The following ZNF827 variants were observed in gnomAD, a reference collection of about 807,000 sequenced individuals.
ZNF827 encodes zinc finger protein 827.
ZNF827 carries 13 observed loss-of-function variants against 102.4 expected under a neutral mutation model. That is an observed-to-expected ratio of 0.13 (90% CI 0.08 to 0.20). ZNF827 has a LOEUF of 0.20. Among genes scored for constraint, ZNF827 ranks in the 10% least tolerant of loss-of-function variants. ZNF827 has a pLI of 1.00. For synonymous variants in ZNF827, 523 were observed against 536.2 expected, an observed-to-expected ratio of 0.98 and a Z score of 0.34; for missense variants, 1,103 against 1,344.4, an observed-to-expected ratio of 0.82 and a Z score of 2.81.
intron 1 of ZNF827, among the ~76,000 whole-genome samples, chr4:145,914,223 G>A (rs558861431): frequency 2.6e-5 from 4 of 152,244 alleles, no homozygotes; most frequent in South Asian, 4.2e-4. Context: ...GAAAAGGGCC[G>A]TGGGAGACAA....
intron 6 of ZNF827, among the ~76,000 whole-genome samples, chr4:145,848,650 T>C (rs1746216957): frequency 6.6e-6 from 1 of 152,210 alleles, no homozygotes; most frequent in African/African-American, 2.4e-5. Context: ...ATATTAAATT[T>C]GCTAGGGACA....
At chr4:145,929,100 T>C (rs942218575) in intron 1 of ZNF827, among the ~76,000 whole-genome samples, 4 of 152,212 alleles carry the variant, frequency 2.6e-5, no homozygotes, top group African/African-American at 9.7e-5. Context: ...CAAAACACAT[T>C]ACTATGGCAC....
chr4:145,902,062 G>T lies in ZNF827; in HGVS notation c.1093+104C>A. The T allele has an allele frequency of 1.4e-6, 2 of 1,415,792 alleles. No individual in the cohort carries two copies. Among genetic ancestry groups the T allele is most frequent in the Non-Finnish European group, 1.9e-6 (2 of 1,060,146 alleles). 87.7% of individuals were successfully genotyped at this position (1,415,792 alleles called of 1,614,324 possible). ...GTTGTGCTCTTGCTTTTTTATTCCT[G>T]CCTCAGATCAGATGGGGAACCCAAC... is the stretch of plus-strand genomic sequence containing the variant. On this transcript the variant is annotated intron_variant, in intron 2 of 14. Transcript: ENST00000508784. This position sits in a 1 kb window ranked among gnomAD's most constrained non-coding sequence, Gnocchi z 4.3.
intron 1 of ZNF827, among the ~76,000 whole-genome samples, chr4:145,913,964 C>T (rs750853653): frequency 6.6e-6 from 1 of 151,960 alleles, no homozygotes. Context: ...AACCATATAA[C>T]AATGCATTCT....
intron 6 of ZNF827, among the ~76,000 whole-genome samples, chr4:145,848,506 A>G (rs1255696744): frequency 6.6e-6 from 1 of 152,216 alleles, no homozygotes; most frequent in African/African-American, 2.4e-5. Context: ...CATTAGTAAC[A>G]GGCTTTATTG....
chr4:145,829,354 C>A (rs1248714171), intron 7 of ZNF827, among the ~76,000 whole-genome samples: 4 of 152,054 alleles, frequency 2.6e-5, no homozygotes, highest in Non-Finnish European at 5.9e-5. Flanking sequence ...GACAGTCTGA[C>A]TTCTATCTGC....
At chr4:145,814,061 T>C (rs962051726) in intron 8 of ZNF827, among the ~76,000 whole-genome samples, 5 of 152,080 alleles carry the variant, frequency 3.3e-5, no homozygotes, top group African/African-American at 4.8e-5. Flanking sequence ...AAACCCCAAA[T>C]CCGAAATGCT....
At chr4:145,861,197 G>A (rs72954679) in intron 5 of ZNF827, among the ~76,000 whole-genome samples, 6,837 of 152,200 alleles carry the variant, frequency 0.045, 365 homozygotes, top group East Asian at 0.15. Context: ...TGTTAAAGGT[G>A]AAAGGTTAAT....
intron 1 of ZNF827, among the ~76,000 whole-genome samples, chr4:145,910,372 C>T (rs1041612029): frequency 2.0e-5 from 3 of 152,308 alleles, no homozygotes; most frequent in Admixed American, 2.0e-4. Context: ...CCTCTACCTG[C>T]CCGTCTCAGC....
Position 145,761,969 on chromosome 4 carries a change from G to A in ZNF827, c.*18-371C>T, listed in dbSNP as rs759155090. Among the ~76,000 whole-genome samples, 18 of 151,688 alleles carry A rather than the reference G, an allele frequency of 1.2e-4. No homozygotes were observed. Among genetic ancestry groups the A allele is most frequent in the Non-Finnish European group, 1.9e-4 (13 of 67,948 alleles). ...CCCTCCCCACTCCCGACCAGACAGC[G>A]CAGAGGTCTAAACCTCCTGACCTCC... On this transcript the variant is annotated intron_variant, in intron 14 of 14. Transcript: ENST00000508784. This position sits in a 1 kb window ranked among gnomAD's most constrained non-coding sequence, Gnocchi z 6.8.
chr4:145,828,879 C>T (rs901730346), intron 7 of ZNF827, among the ~76,000 whole-genome samples: 3 of 152,230 alleles, frequency 2.0e-5, no homozygotes, highest in East Asian at 3.9e-4. Flanking sequence ...ATACATTTTG[C>T]TAAGTGCCTA....
At chr4:145,909,797 T>C (rs1469974093) in intron 1 of ZNF827, among the ~76,000 whole-genome samples, 2 of 152,208 alleles carry the variant, frequency 1.3e-5, no homozygotes, top group Non-Finnish European at 2.9e-5. Context: ...AAATTGTCCC[T>C]TTGTAGCCTG....
chr4:145,909,816 A>G (rs1382340406), intron 1 of ZNF827, among the ~76,000 whole-genome samples: 1 of 152,190 alleles, frequency 6.6e-6, no homozygotes, highest in Non-Finnish European at 1.5e-5. Flanking sequence ...TGAGAGCCTT[A>G]GCACATCCCC....
intron 4 of ZNF827, among the ~76,000 whole-genome samples, chr4:145,882,138 G>T (rs918353916): frequency 3.3e-5 from 5 of 152,122 alleles, no homozygotes; most frequent in Admixed American, 2.0e-4. Context: ...CTCCGCAGTC[G>T]GGTGAACACC....
chr4:145,902,888 C>T lies in ZNF827; in HGVS notation c.371G>A (p.Arg124Lys). The stretch of plus-strand genomic sequence containing the variant: ...GAGGGAACCAGCCTCCAGCAGCCGC[C>T]TCAAATTGCTGCTCAGGGGCTTGTT... ...GSNKPLSSNL[R>K]RLLEAGSLKL... Residue 124 changes from arginine (R) to lysine (K), a missense_variant, in exon 2 of 15, where the codon AGG becomes AAG. This residue lies in a region of ZNF827 where 441 missense variants were observed against 458.6 expected (regional missense o/e 0.96). Coordinates refer to ENST00000508784, the MANE Select transcript of ZNF827 (RefSeq NM_001306215.2). This position sits in a 1 kb window ranked among gnomAD's most constrained non-coding sequence, Gnocchi z 4.3. 3.1e-6 allele frequency: 5 copies of T among 1,614,154 alleles called. No individual in the cohort carries two copies. The highest frequency in any genetic ancestry group is 4.2e-6 in the Non-Finnish European group (5 of 1,180,022).
intron 8 of ZNF827, among the ~76,000 whole-genome samples, chr4:145,799,727 T>G (rs1489182907): frequency 6.6e-6 from 1 of 152,210 alleles, no homozygotes; most frequent in Non-Finnish European, 1.5e-5. Context: ...GATCAAGTTC[T>G]AGACAACAGT....
chr4:145,801,864 C>T (rs556461115), intron 8 of ZNF827, among the ~76,000 whole-genome samples: 1 of 151,384 alleles, frequency 6.6e-6, no homozygotes, highest in South Asian at 2.1e-4. Context: ...TAGCTGATTG[C>T]TGCCAGCAAC....
chr4:145,876,837 C>T (rs1044069354), intron 4 of ZNF827: 5 of 152,162 alleles, frequency 3.3e-5, no homozygotes, highest in African/African-American at 1.2e-4. Flanking sequence ...AAAGCTTATA[C>T]TCTTCTTTAA....
chr4:145,934,774 A>G (rs982573363), intron 1 of ZNF827, among the ~76,000 whole-genome samples: 2 of 152,210 alleles, frequency 1.3e-5, no homozygotes, highest in Non-Finnish European at 2.9e-5. Flanking sequence ...TCCAACACAG[A>G]AAGAGTCTAT....
Sources: gnomAD v4.1 joint callset for allele counts (sites outside exome capture counted in the v4.1 genomes callset) on GRCh38, gnomAD v4.1.1 for gene constraint, gnomAD v4.1.1 regional missense constraint, Gnocchi (gnomAD v3.1) non-coding constraint, MANE v1.5 for transcripts, NCBI Gene and HGNC (gene_info 2026-07-23, HGNC 2026-07-21) for gene names.